ADGB: variants seen among roughly 807,000 people sequenced by gnomAD.
ADGB encodes the protein calpain-7-like protein.
ADGB carries 172 observed loss-of-function variants against 210.5 expected under a neutral mutation model. The ratio of observed to expected loss-of-function variants is 0.82; its 90% CI spans 0.72 to 0.93. The LOEUF is 0.93. Among genes scored for constraint, ADGB ranks in the 40% least tolerant of loss-of-function variants. The probability of loss-of-function intolerance (pLI) is 0.00; values close to 1 mark genes in which losing one functional copy is unlikely to be tolerated. For missense variants in ADGB, 2,025 were observed against 1,964.8 expected (o/e 1.03, Z -0.58); for synonymous variants, 658 against 662.7 (o/e 0.99, Z 0.11).
chr6:146,735,376 C>A (rs1018284139), intron 22 of ADGB, among the ~76,000 whole-genome samples: 2 of 151,670 alleles, frequency 1.3e-5, no homozygotes, highest in Non-Finnish European at 1.5e-5. Context: ...GGTGGCAGGG[C>A]GAGAGAGCAC....
chr6:146,656,901 A>C lies in ADGB; in HGVS notation c.533A>C (p.Tyr178Ser). 1.9e-6 allele frequency: 3 copies of C among 1,551,508 alleles called. No individual in the cohort carries two copies. The highest frequency in any genetic ancestry group is 2.6e-6 in the Non-Finnish European group (3 of 1,146,872). ...CCCTGGAAGCCCTGGGAACACATAT[A>C]CTCTCTGTGCAAGGCTGTGAAGGGT... ...LLPWKPWEHI[Y>S]SLCKAVKGHM... Residue 178 changes from tyrosine to serine, a missense_variant, in exon 5 of 36, where the codon TAC becomes TCC. Transcript: ENST00000397944.
chr6:146,691,016 C>A (rs1464589100), intron 10 of ADGB, 100 bp from the exon 11 acceptor site: 3 of 925,844 alleles, frequency 3.2e-6, no homozygotes, highest in Admixed American at 3.9e-5. Flanking sequence ...TTTTTTCTTA[C>A]TACCACCATA....
chr6:146,663,302 G>A (rs1243726474), intron 5 of ADGB, among the ~76,000 whole-genome samples: 1 of 150,474 alleles, frequency 6.6e-6, no homozygotes, highest in Non-Finnish European at 1.5e-5. Context: ...CTTATAAACA[G>A]CAAGAATTTA....
intron 13 of ADGB, among the ~76,000 whole-genome samples, chr6:146,713,370 C>A (rs1356652293): frequency 6.6e-6 from 1 of 152,178 alleles, no homozygotes; most frequent in Non-Finnish European, 1.5e-5. Context: ...CAGTGCCTCT[C>A]AAATTTCTCT....
intron 4 of ADGB, 59 bp downstream of exon 4, chr6:146,654,265 A>G: frequency 8.3e-7 from 1 of 1,211,992 alleles, no homozygotes; most frequent in Non-Finnish European, 1.2e-6. Flanking sequence ...TCCTGCTTAA[A>G]CCATTCCCAG....
At chr6:146,607,624 C>G (rs1306591235) in intron 1 of ADGB, among the ~76,000 whole-genome samples, 1 of 152,052 alleles carries the variant, frequency 6.6e-6, no homozygotes, top group Non-Finnish European at 1.5e-5. Flanking sequence ...TTATCAAAAG[C>G]CTTTGTTTAG....
chr6:146,809,987 A>G (rs144448924), intron 35 of ADGB, among the ~76,000 whole-genome samples: 45,573 of 149,632 alleles, frequency 0.3, 7,871 homozygotes, highest in East Asian at 0.67. Context: ...AAGCTGCTGC[A>G]CAGCAAAGAA....
chr6:146,609,563 C>A (rs1017611900), intron 1 of ADGB, among the ~76,000 whole-genome samples: 6 of 151,986 alleles, frequency 3.9e-5, no homozygotes, highest in Non-Finnish European at 7.4e-5. Flanking sequence ...ACTTCAGTGT[C>A]TTTTTGTGGT....
intron 13 of ADGB, among the ~76,000 whole-genome samples, chr6:146,712,171 T>TGG (rs1222024456): frequency 6.9e-6 from 1 of 144,468 alleles, no homozygotes; most frequent in African/African-American, 2.8e-5. Flanking sequence ...GGCCTTGGTA[T>TGG]GGGTTTTGTT....
At chr6:146,668,181 A>G (rs1240633186) in intron 7 of ADGB, among the ~76,000 whole-genome samples, 1 of 152,112 alleles carries the variant, frequency 6.6e-6, no homozygotes, top group African/African-American at 2.4e-5. Flanking sequence ...CATAGAAAAG[A>G]ATTATAACAA....
Position 146,741,259 on chromosome 6 carries a change from T to A in ADGB, c.3165T>A (p.Tyr1055Ter), listed in dbSNP as rs908249175. The change falls in exon 25 of 36, where the codon TAT becomes TAA. Residue 1055 changes from tyrosine (Y) to a stop codon, truncating the protein, a stop_gained. Transcript: ENST00000397944. LOFTEE classifies it high-confidence loss of function. ...TCCAAAAAGTGGTGCCTTATCTTTA[T>A]ACCAAGAATAAGGTAGGTATAAAAT... ...KVFQKVVPYL[Y>*]TKNKKGYTFV... The A allele has an allele frequency of 6.4e-7, 1 of 1,550,510 alleles. No homozygotes were observed. Among genetic ancestry groups the A allele is most frequent in the Non-Finnish European group, 8.7e-7 (1 of 1,146,414 alleles).
intron 27 of ADGB, among the ~76,000 whole-genome samples, chr6:146,759,734 TG>T (rs1448184725): frequency 6.6e-6 from 1 of 151,852 alleles, no homozygotes; most frequent in Non-Finnish European, 1.5e-5. Context: ...ATTGTCCAGT[TG>T]CCCTCTACTG....
intron 21 of ADGB, 93 bp from the exon 22 acceptor site, chr6:146,733,799 TA>T: frequency 3.0e-6 from 4 of 1,343,274 alleles, no homozygotes; most frequent in Non-Finnish European, 4.1e-6. Context: ...TGTAGAATTT[TA>T]TATGTTGGAG....
At chr6:146,713,430 C>T in intron 13 of ADGB, among the ~76,000 whole-genome samples, 1 of 152,128 alleles carries the variant, frequency 6.6e-6, no homozygotes. Context: ...TTATGGTAGC[C>T]ACCCTAATGG....
chr6:146,686,198 A>G (rs1776231061), intron 10 of ADGB, among the ~76,000 whole-genome samples: 1 of 152,100 alleles, frequency 6.6e-6, no homozygotes, highest in African/African-American at 2.4e-5. Context: ...AATAGGCCAC[A>G]TGCGTTTTCT....
In ADGB at chr6:146,615,560, C is replaced by T. The variant is rs1051762638; in HGVS notation, c.74+16446C>T. 3.3e-5 allele frequency among the ~76,000 whole-genome samples: 5 copies of T among 152,252 alleles called. No individual in the cohort carries two copies. The South Asian group carries it at 8.3e-4, about 25-fold the overall frequency. On this transcript the variant is annotated intron_variant, in intron 1 of 35. Transcript: ENST00000397944. Reference sequence around the variant, plus strand: ...CCTTCTATCTAACTGTGTTTTTGTACCCATTAACTAATATCTCTTTGCTCT... The same window carrying T: ...CCTTCTATCTAACTGTGTTTTTGTATCCATTAACTAATATCTCTTTGCTCT...
At chr6:146,752,869 A>C (rs1777344089) in intron 27 of ADGB, among the ~76,000 whole-genome samples, 155 bp downstream of exon 27, 1 of 152,134 alleles carries the variant, frequency 6.6e-6, no homozygotes, top group South Asian at 2.1e-4. Flanking sequence ...TTTGCATGTC[A>C]AATTAGGCTC....
At chr6:146,679,189 C>A (rs1166043663) in intron 9 of ADGB, among the ~76,000 whole-genome samples, 1 of 152,206 alleles carries the variant, frequency 6.6e-6, no homozygotes, top group Non-Finnish European at 1.5e-5. Context: ...TCGCTCATTT[C>A]AGGAGAAAGA....
intron 26 of ADGB, among the ~76,000 whole-genome samples, chr6:146,752,153 T>C (rs546407884): frequency 6.6e-6 from 1 of 152,190 alleles, no homozygotes; most frequent in East Asian, 1.9e-4. Flanking sequence ...AGCATAATGC[T>C]GGCATCTGCT....
Sources: gnomAD v4.1 joint callset for allele counts (sites outside exome capture counted in the v4.1 genomes callset) on GRCh38, gnomAD v4.1.1 for gene constraint, MANE v1.5 for transcripts, NCBI Gene and HGNC (gene_info 2026-07-23, HGNC 2026-07-21) for gene names.